The following MDFIC variants were observed in gnomAD, a reference collection of about 807,000 sequenced individuals.
MDFIC encodes myoD family inhibitor domain-containing protein.
Under a neutral mutation model 23.2 loss-of-function variants are expected in MDFIC, and 17 were observed. The observed-to-expected ratio is 0.73, with a 90% confidence interval of 0.50 to 1.10. MDFIC has a LOEUF of 1.10. Ranked by LOEUF, MDFIC falls within the 50% of genes least tolerant of loss-of-function variation. MDFIC has a pLI of 0.00. For missense variants in MDFIC, 356 were observed against 316.6 expected (o/e 1.12, Z -0.95); for synonymous variants, 120 against 115.2 (o/e 1.04, Z -0.27).
chr7:114,955,666 C>T (rs1563141613), intron 3 of MDFIC, among the ~76,000 whole-genome samples: 2 of 152,176 alleles, frequency 1.3e-5, no homozygotes, highest in Non-Finnish European at 2.9e-5. Context: ...CTTTTGACTA[C>T]ATTTAGCGTC....
In MDFIC at chr7:114,937,451, T is replaced by C. The variant is rs188987586; in HGVS notation, c.95-4824T>C. On this transcript the variant is annotated intron_variant, in intron 2 of 4. Coordinates refer to ENST00000393486, the MANE Select transcript of MDFIC (RefSeq NM_001166345.3). The stretch of plus-strand genomic sequence containing the variant: ...TCTACTCCATTCTAAACACTCTTCC[T>C]TGTGTATATGAGAGTTTGGCTCTAT... Among the ~76,000 whole-genome samples the C allele has an allele frequency of 2.0e-5, 3 of 152,358 alleles. No individual in the cohort carries two copies. The East Asian group carries it at 5.8e-4, about 29-fold the overall frequency.
At chr7:114,933,356 T>G (rs1378929798) in intron 2 of MDFIC, among the ~76,000 whole-genome samples, 2 of 151,816 alleles carry the variant, frequency 1.3e-5, no homozygotes, top group Non-Finnish European at 2.9e-5. Context: ...CCTCCCAGGT[T>G]CAAGCGATTC....
rs751322505 is a variant in MDFIC, at chr7:114,936,216, T to C, written c.95-6059T>C. On this transcript the variant is annotated intron_variant, in intron 2 of 4. Transcript: ENST00000393486. ...AGTGCAGAGTAAAACTTGGTGAGAG[T>C]ACTTCTGTCCCAGAGACACTAATGA... is the stretch of plus-strand genomic sequence containing the variant. Among the ~76,000 whole-genome samples, 9 of 152,152 alleles carry C rather than the reference T, an allele frequency of 5.9e-5. No homozygotes were observed. In the South Asian group the frequency reaches 6.2e-4, roughly 10 times the overall value.
intron 4 of MDFIC, among the ~76,000 whole-genome samples, chr7:114,981,037 A>T (rs1585112180): frequency 6.6e-6 from 1 of 152,230 alleles, no homozygotes; most frequent in Admixed American, 6.5e-5. Context: ...TGAGTTTGAC[A>T]TGTAAGCTGC....
At chr7:114,981,383 G>C (rs1012795892) in intron 4 of MDFIC, among the ~76,000 whole-genome samples, 10 of 152,094 alleles carry the variant, frequency 6.6e-5, no homozygotes, top group African/African-American at 2.4e-4. Context: ...TAGGAATGCA[G>C]CTTCATAAGT....
intron 2 of MDFIC, among the ~76,000 whole-genome samples, chr7:114,935,263 C>T (rs1406057606): frequency 6.6e-6 from 1 of 151,900 alleles, no homozygotes; most frequent in Admixed American, 6.6e-5. Flanking sequence ...TCACCAATAA[C>T]AATATACATA....
chr7:115,007,630 G>GTGTGTATATA (rs369718965), intron 4 of MDFIC, among the ~76,000 whole-genome samples: 1 of 132,876 alleles, frequency 7.5e-6, no homozygotes, highest in African/African-American at 3.1e-5. Flanking sequence ...GCGTGTGTGT[G>GTGTGTATATA]TATATATATA....
intron 4 of MDFIC, among the ~76,000 whole-genome samples, chr7:114,995,286 G>A (rs1031365996): frequency 6.6e-6 from 1 of 152,148 alleles, no homozygotes; most frequent in East Asian, 1.9e-4. Flanking sequence ...TTTGTGATGG[G>A]TTCGAACTTC....
intron 4 of MDFIC, among the ~76,000 whole-genome samples, chr7:115,007,984 T>TACC (rs1395195790): frequency 6.6e-6 from 1 of 151,250 alleles, no homozygotes; most frequent in Non-Finnish European, 1.5e-5. Flanking sequence ...AGGAATGAAC[T>TACC]ACCGCACCCC....
intron 3 of MDFIC, among the ~76,000 whole-genome samples, chr7:114,958,619 T>C (rs911307769): frequency 6.6e-6 from 1 of 151,962 alleles, no homozygotes; most frequent in African/African-American, 2.4e-5. Flanking sequence ...GGCGTGGTGG[T>C]GCATGCCTGT....
chr7:114,963,862 G>A (rs1793041085), intron 3 of MDFIC, among the ~76,000 whole-genome samples: 1 of 152,172 alleles, frequency 6.6e-6, no homozygotes. Flanking sequence ...TTACAGGTGT[G>A]AGCCACTGTG....
rs1792373349 is a variant in MDFIC at position 114,933,702 on chromosome 7, G to A, written c.95-8573G>A. Among the ~76,000 whole-genome samples, 3 of 152,210 alleles carry A rather than the reference G, an allele frequency of 2.0e-5. No homozygotes were observed. In the South Asian group the frequency reaches 6.2e-4, roughly 31 times the overall value. ...AGAAGGCTATTGCGTCTATAAGAGT[G>A]ATTAGAATGTGATGCCTCTGAAAAG... On this transcript the variant is annotated intron_variant, in intron 2 of 4. Coordinates refer to ENST00000393486, the MANE Select transcript of MDFIC (RefSeq NM_001166345.3).
chr7:114,978,495 A>G (rs1793356893), intron 3 of MDFIC, among the ~76,000 whole-genome samples: 1 of 152,042 alleles, frequency 6.6e-6, no homozygotes. Context: ...CAAAATACGT[A>G]TAGCATCTTT....
At chr7:114,965,173 G>A (rs1480437046) in intron 3 of MDFIC, among the ~76,000 whole-genome samples, 4 of 152,160 alleles carry the variant, frequency 2.6e-5, no homozygotes, top group Non-Finnish European at 4.4e-5. Flanking sequence ...AGGAGTAGTA[G>A]GTACAAGGCC....
At chr7:114,961,969 T>A (rs914714990) in intron 3 of MDFIC, among the ~76,000 whole-genome samples, 6 of 152,202 alleles carry the variant, frequency 3.9e-5, no homozygotes. Flanking sequence ...CTCTTACTTG[T>A]TTCTCTAGAA....
chr7:114,956,977 C>CAAA (rs1792896652), intron 3 of MDFIC, among the ~76,000 whole-genome samples: 1 of 152,028 alleles, frequency 6.6e-6, no homozygotes, highest in Non-Finnish European at 1.5e-5. Flanking sequence ...TTGGCTTAAC[C>CAAA]CTTAGCTCTT....
intron 4 of MDFIC, among the ~76,000 whole-genome samples, chr7:115,002,759 AC>A (rs1791488565): frequency 6.6e-6 from 1 of 151,942 alleles, no homozygotes; most frequent in East Asian, 1.9e-4. Flanking sequence ...TGCAGCACAC[AC>A]CCCATCACTG....
At chr7:115,000,420 C>G (rs1225736630) in intron 4 of MDFIC, among the ~76,000 whole-genome samples, 2 of 152,146 alleles carry the variant, frequency 1.3e-5, no homozygotes, top group African/African-American at 4.8e-5. Context: ...CCTTCAAAAT[C>G]CTGGGTATTC....
At chr7:115,013,767 T>C (rs1429631071) in intron 4 of MDFIC, among the ~76,000 whole-genome samples, 2 of 152,278 alleles carry the variant, frequency 1.3e-5, no homozygotes, top group African/African-American at 2.4e-5. Flanking sequence ...ATAAGACAGA[T>C]GCTGAGATGA....
Sources: gnomAD v4.1 joint callset for allele counts (sites outside exome capture counted in the v4.1 genomes callset) on GRCh38, gnomAD v4.1.1 for gene constraint, MANE v1.5 for transcripts, NCBI Gene and HGNC (gene_info 2026-07-23, HGNC 2026-07-21) for gene names.